SLC25A12: variants seen among roughly 807,000 people sequenced by gnomAD.
SLC25A12 encodes solute carrier family 25 member 12.
SLC25A12 carries 32 observed loss-of-function variants against 83.3 expected under a neutral mutation model. The ratio of observed to expected loss-of-function variants is 0.38; its 90% CI spans 0.29 to 0.52. The LOEUF (loss-of-function observed/expected upper bound fraction) is 0.52, where lower values mean the gene tolerates loss of function less well. Ranked by LOEUF, SLC25A12 falls within the 20% of genes least tolerant of loss-of-function variation. SLC25A12 has a pLI of 0.84. For missense variants in SLC25A12, 611 were observed against 835.6 expected (o/e 0.73, Z 3.31); for synonymous variants, 267 against 291.1 (o/e 0.92, Z 0.84).
chr2:171,882,382 G>T (rs1332800346), intron 2 of SLC25A12, among the ~76,000 whole-genome samples: 4 of 152,202 alleles, frequency 2.6e-5, no homozygotes, highest in African/African-American at 9.6e-5. Context: ...TTTTCTTGGG[G>T]TATTAGGGAG....
At chr2:171,863,749 T>A (rs529286565) in intron 3 of SLC25A12, among the ~76,000 whole-genome samples, 1 of 152,336 alleles carries the variant, frequency 6.6e-6, no homozygotes, top group South Asian at 2.1e-4. Flanking sequence ...TAAATATATA[T>A]GTTACCTTTA....
chr2:171,794,508 T>A (rs1306241127), intron 13 of SLC25A12, among the ~76,000 whole-genome samples: 3 of 151,992 alleles, frequency 2.0e-5, no homozygotes, highest in Non-Finnish European at 4.4e-5. Context: ...AAAGCCACAT[T>A]CTATATTCCT....
At chr2:171,841,436 G>T (rs1411558577) in intron 5 of SLC25A12, among the ~76,000 whole-genome samples, 1 of 152,044 alleles carries the variant, frequency 6.6e-6, no homozygotes, top group Non-Finnish European at 1.5e-5. Context: ...GCAGTGGTGG[G>T]ATCATGGTTT....
chr2:171,877,409 G>A lies in SLC25A12; in HGVS notation c.67-8586C>T, dbSNP rs182839114. On this transcript the variant is annotated intron_variant, in intron 2 of 17. Transcript: ENST00000422440. ...CGGCTGGGCACGGTGGCTCACACCT[G>A]TAATCCCAGCACTTTGGGAGGCCGA... 1.9e-3 allele frequency among the ~76,000 whole-genome samples: 292 copies of A among 152,212 alleles called. 1 individual carries two copies. The highest frequency in any genetic ancestry group is 6.3e-3 in the African/African-American group (263 of 41,534).
In SLC25A12 at chr2:171,815,156, G is replaced by T. The variant is rs1240225394; in HGVS notation, c.977C>A (p.Ser326Tyr). The T allele has an allele frequency of 1.2e-6, 2 of 1,613,844 alleles. No individual in the cohort carries two copies. Among genetic ancestry groups the T allele is most frequent in the East Asian group, 4.5e-5 (2 of 44,876 alleles). ...TGAGCCCAGAGTGAATCTGTAAGCA[G>T]ACTCGGCAATCTGGAGCCAGATAGG... ...GRPIWLQIAE[S>Y]AYRFTLGSVA... Residue 326 changes from serine (S) to tyrosine (Y), a missense_variant, in exon 10 of 18, where the codon TCT (serine) becomes TAT (tyrosine). Coordinates refer to ENST00000422440, the MANE Select transcript of SLC25A12 (RefSeq NM_003705.5).
At chr2:171,816,786 T>C (rs1466824366) in intron 9 of SLC25A12, among the ~76,000 whole-genome samples, 1 of 152,220 alleles carries the variant, frequency 6.6e-6, no homozygotes, top group East Asian at 1.9e-4. Context: ...TGAAAACATA[T>C]ACACAATCTG....
In SLC25A12 at chr2:171,810,132, G is replaced by A. The variant is rs1035030472; in HGVS notation, c.1224+92C>T. The A allele has an allele frequency of 2.5e-5, 27 of 1,061,324 alleles. No individual in the cohort carries two copies. In the Admixed American group the frequency reaches 3.0e-4, roughly 12 times the overall value. 65.7% of individuals were successfully genotyped at this position (1,061,324 alleles called of 1,614,324 possible). ...CACCACCCAAAATGCTGAGATTATA[G>A]GCATGAGCTACCACGCCTAGCCTTG... is the stretch of plus-strand genomic sequence containing the variant. On this transcript the variant is annotated intron_variant, in intron 12 of 17. Coordinates refer to ENST00000422440, the MANE Select transcript of SLC25A12 (RefSeq NM_003705.5).
chr2:171,819,365 TATATA>T (rs542556801), intron 9 of SLC25A12, among the ~76,000 whole-genome samples: 98 of 70,196 alleles, frequency 1.4e-3, no homozygotes, highest in African/African-American at 3.9e-3. Flanking sequence ...ATTTATATTA[TATATA>T]ATATATTATA....
At chr2:171,814,129 C>G (rs1684000186) in intron 10 of SLC25A12, among the ~76,000 whole-genome samples, 1 of 151,874 alleles carries the variant, frequency 6.6e-6, no homozygotes, top group East Asian at 1.9e-4. Flanking sequence ...AAGCCAAAAC[C>G]TGGTTTGCAA....
chr2:171,890,358 A>G (rs1050213989), intron 2 of SLC25A12, among the ~76,000 whole-genome samples: 9 of 152,254 alleles, frequency 5.9e-5, no homozygotes, highest in African/African-American at 2.2e-4. Context: ...AACTGTTTCT[A>G]AACAGTACTG....
chr2:171,887,551 C>G (rs1235065602), intron 2 of SLC25A12, among the ~76,000 whole-genome samples: 1 of 152,156 alleles, frequency 6.6e-6, no homozygotes, highest in South Asian at 2.1e-4. Context: ...ACAAAATTAA[C>G]TCTTCATTTA....
intron 13 of SLC25A12, among the ~76,000 whole-genome samples, chr2:171,805,636 TAA>T (rs1391376025): frequency 6.6e-6 from 1 of 152,244 alleles, no homozygotes. Context: ...ATAATCCCTA[TAA>T]AATGTTCAGC....
At chr2:171,822,988 A>G (rs950092824) in intron 9 of SLC25A12, among the ~76,000 whole-genome samples, 3 of 152,220 alleles carry the variant, frequency 2.0e-5, no homozygotes, top group African/African-American at 2.4e-5. Flanking sequence ...TCAAATCAAG[A>G]TATCTTCTGG....
At chr2:171,818,691 G>C (rs968153062) in intron 9 of SLC25A12, among the ~76,000 whole-genome samples, 24 of 151,954 alleles carry the variant, frequency 1.6e-4, no homozygotes, top group African/African-American at 5.8e-4. Flanking sequence ...AGGATCACTT[G>C]AGCCTGGGAG....
At chr2:171,868,386 G>T (rs1190560747) in intron 3 of SLC25A12, among the ~76,000 whole-genome samples, 2 of 146,898 alleles carry the variant, frequency 1.4e-5, no homozygotes, top group African/African-American at 5.0e-5. Context: ...CGATCTCGGC[G>T]CACCACAACC....
rs543225049 is a variant in SLC25A12, at chr2:171,873,126, C to A, written c.67-4303G>T. Among the ~76,000 whole-genome samples the A allele has an allele frequency of 2.0e-5, 3 of 152,204 alleles. No individual in the cohort carries two copies. The South Asian group carries it at 6.2e-4, about 32-fold the overall frequency. ...GAAGGAGAGAAGAACTAACTTCGAA[C>A]AGGGAGACTGGTAAGTGGCTATTAC... On this transcript the variant is annotated intron_variant, in intron 2 of 17. Transcript: ENST00000422440.
intron 2 of SLC25A12, among the ~76,000 whole-genome samples, chr2:171,882,718 T>C (rs1185086172): frequency 6.6e-6 from 1 of 152,148 alleles, no homozygotes; most frequent in Non-Finnish European, 1.5e-5. Flanking sequence ...ACGCTGGCCA[T>C]AGCAATGGTT....
At chr2:171,818,956 C>G (rs928566868) in intron 9 of SLC25A12, among the ~76,000 whole-genome samples, 1 of 151,078 alleles carries the variant, frequency 6.6e-6, no homozygotes, top group African/African-American at 2.4e-5. Context: ...CTAGAGAAAA[C>G]AAAACAAAAT....
At chr2:171,869,523 A>G (rs1414416595) in intron 2 of SLC25A12, among the ~76,000 whole-genome samples, 1 of 152,208 alleles carries the variant, frequency 6.6e-6, no homozygotes, top group Non-Finnish European at 1.5e-5. Flanking sequence ...ATAACAAACA[A>G]GACCTCTCAT....
Sources: gnomAD v4.1 joint callset for allele counts (sites outside exome capture counted in the v4.1 genomes callset) on GRCh38, gnomAD v4.1.1 for gene constraint, MANE v1.5 for transcripts, NCBI Gene and HGNC (gene_info 2026-07-23, HGNC 2026-07-21) for gene names.